CNTNAP3: variants seen among roughly 807,000 people sequenced by gnomAD.
CNTNAP3 encodes contactin associated protein family member 3.
A neutral mutation model predicts 92.1 loss-of-function variants in CNTNAP3; 36 were observed. The ratio of observed to expected loss-of-function variants is 0.39; its 90% CI spans 0.30 to 0.52. The LOEUF (loss-of-function observed/expected upper bound fraction) is 0.52. CNTNAP3 is among the 20% of genes least tolerant of loss of function. CNTNAP3 has a pLI of 0.76. For synonymous variants in CNTNAP3, 232 were observed against 422.3 expected (o/e 0.55, Z 5.53); for missense variants, 534 against 1,069.6 (o/e 0.50, Z 6.98).
At chr9:39,087,484 T>G (rs2118423499) in intron 19 of CNTNAP3, among the ~76,000 whole-genome samples, 1 of 142,552 alleles carries the variant, frequency 7.0e-6, no homozygotes, top group South Asian at 2.3e-4. Context: ...ATCGGAGATT[T>G]TTTTTTTTGT....
chr9:39,082,909 G>A (rs1265150714), intron 21 of CNTNAP3, among the ~76,000 whole-genome samples: 2 of 152,190 alleles, frequency 1.3e-5, no homozygotes, highest in Middle Eastern at 3.2e-3. Context: ...CTCTGTACCA[G>A]GACAGCATCC....
At chr9:39,081,282 C>G (rs1157931803) in intron 21 of CNTNAP3, among the ~76,000 whole-genome samples, 1 of 151,492 alleles carries the variant, frequency 6.6e-6, no homozygotes, top group African/African-American at 2.4e-5. Context: ...CATGTAGATA[C>G]AGTTTCCTGT....
chr9:39,099,620 C>T (rs945078617), intron 18 of CNTNAP3, among the ~76,000 whole-genome samples: 16 of 152,134 alleles, frequency 1.1e-4, no homozygotes, highest in African/African-American at 3.6e-4. Flanking sequence ...TAGAACAGTA[C>T]AAGGACAGAG....
chr9:39,101,967 C>T (rs1826467567), intron 17 of CNTNAP3, among the ~76,000 whole-genome samples: 1 of 152,196 alleles, frequency 6.6e-6, no homozygotes, highest in Admixed American at 6.5e-5. Flanking sequence ...GATGACAATA[C>T]CTAAACATTG....
chr9:39,124,056 T>C (rs1821099717), intron 13 of CNTNAP3, among the ~76,000 whole-genome samples: 2 of 152,020 alleles, frequency 1.3e-5, no homozygotes, highest in South Asian at 4.1e-4. Context: ...ATTGATGTAA[T>C]AGGTAACAGC....
intron 3 of CNTNAP3, among the ~76,000 whole-genome samples, chr9:39,205,035 C>T (rs1293381731): frequency 1.4e-5 from 1 of 73,432 alleles, no homozygotes; most frequent in Admixed American, 1.3e-4. Context: ...TTCCCACATA[C>T]TTCCTTAAGC....
intron 13 of CNTNAP3, among the ~76,000 whole-genome samples, chr9:39,128,432 T>C (rs1242305217): frequency 6.6e-6 from 1 of 151,958 alleles, no homozygotes; most frequent in Non-Finnish European, 1.5e-5. Context: ...TATGCAAAGC[T>C]GATTCAACAT....
chr9:39,077,608 A>G (rs1178648114), intron 23 of CNTNAP3, among the ~76,000 whole-genome samples: 1 of 151,276 alleles, frequency 6.6e-6, no homozygotes, highest in Non-Finnish European at 1.5e-5. Flanking sequence ...CTTCTTAAAT[A>G]AGTGAAACAC....
chr9:39,115,549 T>C (rs1024287509), intron 14 of CNTNAP3, among the ~76,000 whole-genome samples: 1 of 126,654 alleles, frequency 7.9e-6, no homozygotes, highest in Non-Finnish European at 1.5e-5. Flanking sequence ...GATTTCAGAA[T>C]GCTTGTGGTC....
At position 39,184,028 on chromosome 9, in the gene CNTNAP3, C is replaced by A. The variant is rs530567060; in HGVS notation, c.539-5668G>T. 2.0e-4 allele frequency among the ~76,000 whole-genome samples: 29 copies of A among 147,432 alleles called. 1 individual carries two copies. Among genetic ancestry groups the A allele is most frequent in the African/African-American group, 6.5e-4 (25 of 38,230 alleles). ...CATAAAATTGTATCGTGTATGTGTT[C>A]TTTTGTGTCTGCGTTCCTTCTTAAG... On this transcript the variant is annotated intron_variant, in intron 4 of 23. Transcript: ENST00000297668.
chr9:39,139,354 G>A (rs1439361660), intron 12 of CNTNAP3, among the ~76,000 whole-genome samples: 2 of 152,058 alleles, frequency 1.3e-5, no homozygotes, highest in Non-Finnish European at 2.9e-5. Flanking sequence ...TTGAGTCAGG[G>A]GATTTTGGAG....
intron 18 of CNTNAP3, among the ~76,000 whole-genome samples, chr9:39,093,877 A>G (rs1346468521): frequency 1.3e-5 from 2 of 151,220 alleles, no homozygotes; most frequent in Non-Finnish European, 3.0e-5. Flanking sequence ...TTATATATGT[A>G]GAAGTGGAAT....
Position 39,214,136 on chromosome 9 carries a change from A to T in CNTNAP3, c.391-20861T>A. 3.0e-5 allele frequency among the ~76,000 whole-genome samples: 2 copies of T among 66,300 alleles called. 1 individual carries two copies. The highest frequency in any genetic ancestry group is 1.0e-4 in the Non-Finnish European group (2 of 19,798). The allele number at this position is 66,300 out of a possible 152,430, so 43.5% of individuals were successfully genotyped here. On this transcript the variant is annotated intron_variant, in intron 3 of 23. Coordinates refer to ENST00000297668, the MANE Select transcript of CNTNAP3 (RefSeq NM_033655.5). ...TACAAAATAAGAGGAGTTTAAATAT[A>T]AAAAAAATTCTCATTTTCAGAATGC...
intron 17 of CNTNAP3, among the ~76,000 whole-genome samples, chr9:39,101,529 C>A (rs1826455545): frequency 7.1e-6 from 1 of 140,554 alleles, no homozygotes; most frequent in Non-Finnish European, 1.6e-5. Context: ...AGAGCTATCA[C>A]CTTTAAATAA....
intron 11 of CNTNAP3, among the ~76,000 whole-genome samples, chr9:39,142,609 T>A (rs12378012): frequency 6.6e-6 from 1 of 151,172 alleles, no homozygotes; most frequent in African/African-American, 2.4e-5. Context: ...GAGGCAGAAC[T>A]TGCAGTGAGC....
At chr9:39,139,179 A>T (rs1369103710) in intron 12 of CNTNAP3, among the ~76,000 whole-genome samples, 1 of 152,132 alleles carries the variant, frequency 6.6e-6, no homozygotes, top group Admixed American at 6.5e-5. Flanking sequence ...CCCTATCATT[A>T]GCTAGATTTT....
intron 14 of CNTNAP3, 57 bp from the exon 15 acceptor site, chr9:39,109,344 T>G: frequency 6.3e-7 from 1 of 1,599,390 alleles, no homozygotes; most frequent in South Asian, 1.1e-5. Flanking sequence ...CGGGCAAAAT[T>G]AACTCTGATC....
At chr9:39,099,442 G>A (rs1017555087) in intron 18 of CNTNAP3, among the ~76,000 whole-genome samples, 7 of 152,138 alleles carry the variant, frequency 4.6e-5, no homozygotes, top group African/African-American at 1.7e-4. Context: ...TTTCTATAAA[G>A]GCCTTTTGAA....
At chr9:39,110,809 G>T (rs1826728292) in intron 14 of CNTNAP3, among the ~76,000 whole-genome samples, 1 of 151,810 alleles carries the variant, frequency 6.6e-6, no homozygotes, top group South Asian at 2.1e-4. Flanking sequence ...ATATACTTTT[G>T]GTTATATTTT....
Sources: allele counts gnomAD v4.1 joint callset (sites outside exome capture counted in the v4.1 genomes callset), GRCh38; gene constraint gnomAD v4.1.1; transcripts MANE v1.5; gene names NCBI Gene and HGNC (gene_info 2026-07-23, HGNC 2026-07-21).